Variants in KASH5 observed in about 807,000 individuals in gnomAD.
KASH5 encodes the protein protein KASH5.
Under a neutral mutation model 84.2 loss-of-function variants are expected in KASH5, and 72 were observed. The ratio of observed to expected loss-of-function variants is 0.85; its 90% CI spans 0.71 to 1.04. The LOEUF (loss-of-function observed/expected upper bound fraction) is 1.04. KASH5 is among the 50% of genes least tolerant of loss of function. The pLI is 0.00. For synonymous variants in KASH5, 260 were observed against 279.1 expected (o/e 0.93, Z 0.68); for missense variants, 650 against 701.0 (o/e 0.93, Z 0.82).
intron 9 of KASH5, among the ~76,000 whole-genome samples, chr19:49,405,434 G>A (rs1974491327): frequency 6.9e-6 from 1 of 144,304 alleles, no homozygotes. Context: ...TCCAGCCTGG[G>A]CAACAAGAGT....
At chr19:49,415,158 A>C in intron 17 of KASH5, 162 bp downstream of exon 17, 1 of 730,148 alleles carries the variant, frequency 1.4e-6, no homozygotes, top group Non-Finnish European at 2.3e-6. Flanking sequence ...GCTGTAGCTA[A>C]TGAGAGCGAT....
intron 9 of KASH5, among the ~76,000 whole-genome samples, chr19:49,405,468 A>AG (rs60949134): frequency 0.053 from 7,323 of 138,504 alleles, 607 homozygotes; most frequent in African/African-American, 0.17. Flanking sequence ...AAAAAAAAAA[A>AG]AAAAAAGAAA....
Position 49,397,957 on chromosome 19 carries a change from ACCTGAAC to A in KASH5, c.468-22_468-16del, listed in dbSNP as rs1475690520. 6.2e-7 allele frequency: 1 copy of A among 1,611,474 alleles called. No homozygotes were observed. The highest frequency in any genetic ancestry group is 8.5e-7 in the Non-Finnish European group (1 of 1,178,630). On this transcript the variant is annotated intron_variant, in intron 6 of 19. Transcript: ENST00000447857. The stretch of plus-strand genomic sequence containing the variant: ...AATGAGTCAGGGGCTGTGGACAGTG[ACCTGAAC>A]CCCTTCCTTGCCCCTAGACAAGCCA...
intron 9 of KASH5, among the ~76,000 whole-genome samples, chr19:49,403,644 C>T (rs1242370037): frequency 6.6e-6 from 1 of 152,230 alleles, no homozygotes; most frequent in East Asian, 1.9e-4. Context: ...CCTTGACTCA[C>T]TCCCATGGCT....
At chr19:49,409,955 A>C (rs1429805407) in intron 15 of KASH5, 80 bp downstream of exon 15, 18 of 1,542,344 alleles carry the variant, frequency 1.2e-5, no homozygotes, top group Non-Finnish European at 1.3e-5. Context: ...CAGCCCATTC[A>C]CTCACACTTT....
chr19:49,389,122 CCAG>C (rs1973912154), intron 1 of KASH5, among the ~76,000 whole-genome samples: 3 of 105,416 alleles, frequency 2.8e-5, no homozygotes, highest in Non-Finnish European at 5.5e-5. Flanking sequence ...CCCCAGAAAT[CCAG>C]AGACCCCCGC....
Position 49,416,675 on chromosome 19 carries a change from C to A in KASH5, c.1375-340C>A, listed in dbSNP as rs758432313. Among the ~76,000 whole-genome samples, 2 of 152,168 alleles carry A rather than the reference C, an allele frequency of 1.3e-5. No homozygotes were observed. The highest frequency in any genetic ancestry group is 1.3e-4 in the Admixed American group (2 of 15,282). ...AGGTGATGATATTGAATAGCTCACA[C>A]AGACATTGAGCACTCACTATGTACC... On this transcript the variant is annotated intron_variant, in intron 17 of 19. Transcript: ENST00000447857. This position sits in a 1 kb window ranked among gnomAD's most constrained non-coding sequence, Gnocchi z 5.4.
Position 49,399,824 on chromosome 19 carries a change from G to A in KASH5, c.798+317G>A. 2 of 529,720 alleles carry A rather than the reference G, an allele frequency of 3.8e-6. No individual in the cohort carries two copies. The highest frequency in any genetic ancestry group is 7.0e-5 in the South Asian group (2 of 28,472). 32.8% of individuals were successfully genotyped at this position (529,720 alleles called of 1,614,324 possible). A position where few individuals can be genotyped will look rare whatever the true frequency, so the allele number is the denominator to read the frequency against. ...ACAATGGCATCTGCCTCAGTGGTTT[G>A]TGTGAGACTTCAACCGAAGGATACT... On this transcript the variant is annotated intron_variant, in intron 9 of 19. Coordinates refer to ENST00000447857, the MANE Select transcript of KASH5 (RefSeq NM_144688.5). The surrounding 1 kb of genome is among the most constrained non-coding windows in gnomAD (Gnocchi z 4.4).
chr19:49,398,124 C>T lies in KASH5; in HGVS notation c.610C>T (p.Leu204=), dbSNP rs376324864. The T allele has an allele frequency of 6.3e-7, 1 of 1,586,806 alleles. No homozygotes were observed. Among genetic ancestry groups the T allele is most frequent in the Non-Finnish European group, 8.6e-7 (1 of 1,159,906 alleles). The change falls in exon 7 of 20, where the codon CTG becomes TTG. Residue 204 remains leucine, a synonymous_variant. Transcript: ENST00000447857. The part of the protein sequence containing the change: ...SARLGEEILA[L]RKQLHSTQQA... ...ACGCCTTGGGGAGGAGATCTTGGCT[C>T]TGCGTAAGCAGCTTCACAGGTGGGC... is the stretch of plus-strand genomic sequence containing the variant.
Position 49,399,186 on chromosome 19 carries a change from G to A in KASH5, c.747+44G>A, listed in dbSNP as rs371669112. 42 of 1,480,984 alleles carry A rather than the reference G, an allele frequency of 2.8e-5. No individual in the cohort carries two copies. In the African/African-American group the frequency reaches 5.7e-4, roughly 20 times the overall value. 91.7% of individuals were successfully genotyped at this position (1,480,984 alleles called of 1,614,324 possible). A position where few individuals can be genotyped will look rare whatever the true frequency, so the allele number is the denominator to read the frequency against. On this transcript the variant is annotated intron_variant, in intron 8 of 19. Coordinates refer to ENST00000447857, the MANE Select transcript of KASH5 (RefSeq NM_144688.5). This position sits in a 1 kb window ranked among gnomAD's most constrained non-coding sequence, Gnocchi z 4.4. ...AAGGAAGGTGCCCTCTCTCTTCTTT[G>A]TTTCCTGGAGTCAGGGCGGCAGAGT...
chr19:49,396,801 G>A (rs1485427447), intron 5 of KASH5, among the ~76,000 whole-genome samples: 4 of 152,172 alleles, frequency 2.6e-5, no homozygotes, highest in Non-Finnish European at 4.4e-5. Flanking sequence ...GCGTGAGCCT[G>A]TAATCCCAGC....
At chr19:49,388,671 G>A (rs1427220960) in intron 1 of KASH5, among the ~76,000 whole-genome samples, 1 of 147,302 alleles carries the variant, frequency 6.8e-6, no homozygotes, top group Non-Finnish European at 1.5e-5. Context: ...CAGCCTGGGT[G>A]ACAAGAGTGA....
At position 49,395,245 on chromosome 19, in the gene KASH5, T is replaced by C. The variant is rs563193763; in HGVS notation, c.288T>C (p.Thr96=). Residue 96 remains threonine, a synonymous_variant, in exon 4 of 20, where the codon ACT becomes ACC. Coordinates refer to ENST00000447857, the MANE Select transcript of KASH5 (RefSeq NM_144688.5). This position sits in a 1 kb window ranked among gnomAD's most constrained non-coding sequence, Gnocchi z 4.4. The part of the protein sequence containing the change: ...EGPKATVDLD[T]FLVVMRDWIA... Reference sequence around the variant, plus strand: ...CTAAGGCCACTGTGGACTTGGACACTTTCCTGGTTGTCATGCGTGACTGGA... The same window carrying C: ...CTAAGGCCACTGTGGACTTGGACACCTTCCTGGTTGTCATGCGTGACTGGA... 1.2e-6 allele frequency: 2 copies of C among 1,613,108 alleles called. No individual in the cohort carries two copies.
intron 15 of KASH5, among the ~76,000 whole-genome samples, chr19:49,411,975 A>G (rs191098811): frequency 1.2e-3 from 135 of 114,980 alleles, no homozygotes; most frequent in African/African-American, 3.7e-3. Flanking sequence ...AAGGAAGGAA[A>G]GAAGGAAGCC....
At chr19:49,389,165 C>A in intron 1 of KASH5, among the ~76,000 whole-genome samples, 1 of 123,612 alleles carries the variant, frequency 8.1e-6, no homozygotes. Flanking sequence ...ATCCAGAGAC[C>A]CCGAATAAAT....
At chr19:49,393,059 A>T (rs1250785581) in intron 2 of KASH5, among the ~76,000 whole-genome samples, 4 of 152,156 alleles carry the variant, frequency 2.6e-5, no homozygotes, top group Non-Finnish European at 4.4e-5. Flanking sequence ...CACTCACTGC[A>T]GAGAATCCTG....
chr19:49,410,926 T>C (rs1344135656), intron 15 of KASH5, among the ~76,000 whole-genome samples: 1 of 151,738 alleles, frequency 6.6e-6, no homozygotes, highest in Non-Finnish European at 1.5e-5. Context: ...CCTGGCTTTT[T>C]TTTTTTTAAT....
At position 49,390,922 on chromosome 19, in the gene KASH5, G is replaced by A. The variant is rs116320345; in HGVS notation, c.39G>A (p.Ala13=). 10,691 of 1,606,200 alleles carry A rather than the reference G, an allele frequency of 6.7e-3. 589 individuals are homozygous for A. The African/African-American group carries it at 0.12, about 18-fold the overall frequency. The part of the protein sequence containing the change: ...LPEGPVGGPT[A]EMYLRERPEE... ...AGGGCCCGGTGGGTGGCCCCACTGC[G>A]GAAAGTAAGTGGCTGGAACCCTATT... Residue 13 remains alanine (A), a synonymous_variant, in exon 2 of 20, where the codon GCG becomes GCA. Transcript: ENST00000447857.
chr19:49,396,969 G>A (rs1316263030), intron 5 of KASH5, among the ~76,000 whole-genome samples: 1 of 151,300 alleles, frequency 6.6e-6, no homozygotes. Flanking sequence ...CAGGAGGATC[G>A]CTTGAGCCTG....
Sources: gnomAD v4.1 joint callset for allele counts (sites outside exome capture counted in the v4.1 genomes callset) on GRCh38, gnomAD v4.1.1 for gene constraint, Gnocchi (gnomAD v3.1) non-coding constraint, MANE v1.5 for transcripts, NCBI Gene and HGNC (gene_info 2026-07-23, HGNC 2026-07-21) for gene names.